TRAF3: variants seen among roughly 807,000 people sequenced by gnomAD.
TRAF3 encodes TNF receptor-associated factor 3.
TRAF3 carries 13 observed loss-of-function variants against 62.3 expected under a neutral mutation model. The observed-to-expected ratio is 0.21, with a 90% CI of 0.14 to 0.33. The LOEUF is 0.33. Ranked by LOEUF, TRAF3 falls within the 10% of genes least tolerant of loss-of-function variation. The probability of loss-of-function intolerance (pLI) is 1.00; values close to 1 mark genes in which losing one functional copy is unlikely to be tolerated. For synonymous variants in TRAF3, 269 were observed against 283.4 expected, an observed-to-expected ratio of 0.95 and a Z score of 0.51; for missense variants, 440 against 741.8, an observed-to-expected ratio of 0.59 and a Z score of 4.73.
chr14:102,779,269 C>CTTTTTTTTTTT (rs61309052), intron 1 of TRAF3, among the ~76,000 whole-genome samples: 8 of 123,456 alleles, frequency 6.5e-5, no homozygotes, highest in African/African-American at 2.1e-4. Flanking sequence ...AGAATTCCAG[C>CTTTTTTTTTTT]TTTTTTTTTT....
intron 2 of TRAF3, among the ~76,000 whole-genome samples, chr14:102,859,028 C>T (rs1887539561): frequency 6.6e-6 from 1 of 152,118 alleles, no homozygotes; most frequent in Non-Finnish European, 1.5e-5. Context: ...GCTTTTATTC[C>T]AGTGTTCAAT....
chr14:102,804,084 C>T (rs1210308579), intron 1 of TRAF3, among the ~76,000 whole-genome samples: 1 of 151,894 alleles, frequency 6.6e-6, no homozygotes, highest in African/African-American at 2.4e-5. Context: ...AGGGATCCTT[C>T]CAGGCTGAGA....
chr14:102,801,728 A>T lies in TRAF3; in HGVS notation c.-157+24053A>T, dbSNP rs182080340. On this transcript the variant is annotated intron_variant, in intron 1 of 11. Transcript: ENST00000392745. Reference sequence around the variant, plus strand: ...TTAAAAAAAATTTTTAATTAAAAAAATTTTTTTTGGTCTGCTGCAGTGGCT... The same window carrying T: ...TTAAAAAAAATTTTTAATTAAAAAATTTTTTTTTGGTCTGCTGCAGTGGCT... Among the ~76,000 whole-genome samples, 75 of 151,808 alleles carry T rather than the reference A, an allele frequency of 4.9e-4. No individual in the cohort carries two copies. The East Asian group carries it at 0.013, about 26-fold the overall frequency.
intron 1 of TRAF3, among the ~76,000 whole-genome samples, chr14:102,787,695 A>C (rs997424593): frequency 1.3e-5 from 2 of 151,990 alleles, no homozygotes; most frequent in South Asian, 2.1e-4. Context: ...ACAACAACAA[A>C]AACAACAACA....
At chr14:102,869,194 C>T (rs560859311) in intron 2 of TRAF3, among the ~76,000 whole-genome samples, 29 of 152,348 alleles carry the variant, frequency 1.9e-4, no homozygotes, top group African/African-American at 6.5e-4. Flanking sequence ...GCTCTGTGCA[C>T]AGCATGCTGG....
chr14:102,858,334 G>A (rs1327831284), intron 2 of TRAF3, among the ~76,000 whole-genome samples: 1 of 152,068 alleles, frequency 6.6e-6, no homozygotes, highest in Admixed American at 6.5e-5. Flanking sequence ...GTATTTCTTA[G>A]TAGAGACGGG....
intron 4 of TRAF3, among the ~76,000 whole-genome samples, chr14:102,873,480 T>C (rs181448754): frequency 5.9e-5 from 9 of 152,372 alleles, no homozygotes; most frequent in Non-Finnish European, 2.9e-5. Context: ...TGTTTTGTTA[T>C]GCAGAATCAT....
intron 6 of TRAF3, among the ~76,000 whole-genome samples, chr14:102,878,400 GTGTGGGGGTGTGTGAA>G (rs1262655305): frequency 6.8e-6 from 1 of 146,676 alleles, no homozygotes; most frequent in African/African-American, 2.5e-5. Flanking sequence ...GTGGGTGAGT[GTGTGGGGGTGTGTGAA>G]TGTGGGTGTG....
At chr14:102,845,423 G>C (rs898795283) in intron 2 of TRAF3, among the ~76,000 whole-genome samples, 1 of 150,738 alleles carries the variant, frequency 6.6e-6, no homozygotes, top group East Asian at 2.0e-4. Context: ...GGCTGGTCTC[G>C]AACTCCTGAC....
In TRAF3 at chr14:102,778,474, G is replaced by A. The variant is rs549535444; in HGVS notation, c.-157+799G>A. Among the ~76,000 whole-genome samples, 8 of 152,340 alleles carry A rather than the reference G, an allele frequency of 5.3e-5. No individual in the cohort carries two copies. The East Asian group carries it at 1.2e-3, about 22-fold the overall frequency. On this transcript the variant is annotated intron_variant, in intron 1 of 11. Coordinates refer to ENST00000392745, the MANE Select transcript of TRAF3 (RefSeq NM_145725.3). ...GGATGAGGTGTTATGGACGTGCTTG[G>A]AAATGCAAGAAACCTTCAGATTACG...
intron 2 of TRAF3, among the ~76,000 whole-genome samples, chr14:102,863,730 A>G (rs1354612012): frequency 6.6e-6 from 1 of 152,178 alleles, no homozygotes; most frequent in Non-Finnish European, 1.5e-5. Flanking sequence ...TGTTTGCCTC[A>G]ACTGTTATTC....
chr14:102,800,018 C>T (rs1316015749), intron 1 of TRAF3, among the ~76,000 whole-genome samples: 7 of 152,160 alleles, frequency 4.6e-5, no homozygotes. Context: ...AGTAGGGACT[C>T]CAAGGGGAAC....
At chr14:102,794,078 T>G (rs1897943898) in intron 1 of TRAF3, among the ~76,000 whole-genome samples, 1 of 152,222 alleles carries the variant, frequency 6.6e-6, no homozygotes, top group South Asian at 2.1e-4. Flanking sequence ...CAGATGGCCT[T>G]TCTCCTAAGG....
At chr14:102,812,058 T>C (rs754891378) in intron 1 of TRAF3, among the ~76,000 whole-genome samples, 1 of 150,856 alleles carries the variant, frequency 6.6e-6, no homozygotes, top group Non-Finnish European at 1.5e-5. Flanking sequence ...CCAGAGCACC[T>C]GGCCTGAAGC....
At chr14:102,799,328 C>T (rs1417333599) in intron 1 of TRAF3, among the ~76,000 whole-genome samples, 3 of 152,204 alleles carry the variant, frequency 2.0e-5, no homozygotes, top group Non-Finnish European at 2.9e-5. Context: ...CTTAGCATCT[C>T]GTGAGCATAA....
At chr14:102,881,666 T>C (rs1889076897) in intron 6 of TRAF3, among the ~76,000 whole-genome samples, 1 of 152,178 alleles carries the variant, frequency 6.6e-6, no homozygotes, top group Non-Finnish European at 1.5e-5. Context: ...GGTTGATCTG[T>C]GCAGCAAACC....
intron 1 of TRAF3, among the ~76,000 whole-genome samples, chr14:102,829,502 C>T (rs1292719324): frequency 6.6e-6 from 1 of 152,226 alleles, no homozygotes; most frequent in Admixed American, 6.5e-5. Context: ...TGACCTGCCA[C>T]CTCAGTCCAT....
chr14:102,831,564 G>T (rs1566762086), intron 2 of TRAF3, among the ~76,000 whole-genome samples: 5 of 152,208 alleles, frequency 3.3e-5, no homozygotes, highest in Admixed American at 2.6e-4. Flanking sequence ...TCACTGTCCA[G>T]CTCTCCTGAG....
chr14:102,881,105 G>A (rs982734592), intron 6 of TRAF3, among the ~76,000 whole-genome samples: 3 of 151,930 alleles, frequency 2.0e-5, no homozygotes, highest in African/African-American at 7.3e-5. Context: ...AAGATCTGCC[G>A]GTCACGGTGA....
Sources: allele counts gnomAD v4.1 joint callset (sites outside exome capture counted in the v4.1 genomes callset), GRCh38; gene constraint gnomAD v4.1.1; transcripts MANE v1.5; gene names NCBI Gene and HGNC (gene_info 2026-07-23, HGNC 2026-07-21).